Variants in CNST observed in about 807,000 individuals in gnomAD.
The protein encoded by CNST is consortin.
In CNST, 39 loss-of-function variants were observed where a neutral mutation model predicts 72.4. That is an observed-to-expected ratio of 0.54 (90% CI 0.42 to 0.70). The LOEUF is 0.70. Among genes scored for constraint, CNST ranks in the 30% least tolerant of loss-of-function variants. The pLI, the probability that CNST is intolerant of heterozygous loss-of-function variation, is 0.00. For synonymous variants in CNST, 332 were observed against 320.1 expected (o/e 1.04, Z -0.40); for missense variants, 871 against 868.5 (o/e 1.00, Z -0.04).
intron 9 of CNST, among the ~76,000 whole-genome samples, chr1:246,652,493 C>T (rs1666503474): frequency 6.6e-6 from 1 of 152,134 alleles, no homozygotes; most frequent in East Asian, 1.9e-4. Context: ...CAGAGGTCCC[C>T]TTGTGAGCAG....
chr1:246,605,628 C>T lies in CNST; in HGVS notation c.379+13687C>T, dbSNP rs181384713. 2.1e-4 allele frequency among the ~76,000 whole-genome samples: 31 copies of T among 146,510 alleles called. No individual in the cohort carries two copies. The Admixed American group carries it at 2.3e-3, about 11-fold the overall frequency. On this transcript the variant is annotated intron_variant, in intron 2 of 10. Transcript: ENST00000366513. ...CGGCTACGTGGTACCTGGATGGCCT[C>T]TCTGTCTATCCTCGGTGGTGGGTGT...
chr1:246,614,884 T>C (rs1357212603), intron 2 of CNST, among the ~76,000 whole-genome samples: 1 of 152,160 alleles, frequency 6.6e-6, no homozygotes, highest in Non-Finnish European at 1.5e-5. Context: ...GAAATGGTAA[T>C]ATCCTTAGTG....
chr1:246,662,903 G>A (rs933686576), intron 10 of CNST, among the ~76,000 whole-genome samples: 13 of 152,068 alleles, frequency 8.5e-5, no homozygotes, highest in Non-Finnish European at 1.6e-4. Flanking sequence ...GCTCAGACAG[G>A]TCTAGGACAT....
chr1:246,663,389 T>C (rs1667221092), intron 10 of CNST, among the ~76,000 whole-genome samples: 1 of 151,136 alleles, frequency 6.6e-6, no homozygotes, highest in South Asian at 2.1e-4. Flanking sequence ...AAATACAGCA[T>C]GATTAATATG....
intron 6 of CNST, among the ~76,000 whole-genome samples, chr1:246,638,894 G>A (rs1045645479): frequency 2.6e-5 from 4 of 152,178 alleles, no homozygotes; most frequent in African/African-American, 4.8e-5. Context: ...ACGGTGATTT[G>A]GGGAGTTTCT....
At chr1:246,569,735 C>T (rs1659949634) in intron 1 of CNST, 1 of 153,886 alleles carries the variant, frequency 6.5e-6, no homozygotes, top group Non-Finnish European at 1.4e-5. Flanking sequence ...GCCTCTTTCT[C>T]TTAGTGTTGA....
At chr1:246,578,757 C>T (rs1660607966) in intron 1 of CNST, among the ~76,000 whole-genome samples, 1 of 152,176 alleles carries the variant, frequency 6.6e-6, no homozygotes, top group Admixed American at 6.5e-5. Flanking sequence ...CCTTCTCCTC[C>T]TAACTTATCA....
intron 8 of CNST, among the ~76,000 whole-genome samples, chr1:246,646,537 A>G (rs1319112363): frequency 6.6e-6 from 1 of 151,986 alleles, no homozygotes; most frequent in Non-Finnish European, 1.5e-5. Flanking sequence ...CTGGAGTGCA[A>G]TGGCGTGATC....
intron 1 of CNST, among the ~76,000 whole-genome samples, chr1:246,587,433 GA>G (rs1162702738): frequency 1.3e-5 from 2 of 152,302 alleles, no homozygotes; most frequent in East Asian, 3.9e-4. Flanking sequence ...TTTCCATGAG[GA>G]TATATAGTTG....
At chr1:246,580,886 G>A (rs372358101) in intron 1 of CNST, among the ~76,000 whole-genome samples, 114 of 151,718 alleles carry the variant, frequency 7.5e-4, no homozygotes, top group African/African-American at 2.7e-3. Context: ...GATTACAGGC[G>A]CGCGCCACCA....
At chr1:246,632,186 T>C (rs1664811543) in intron 4 of CNST, 2 of 337,818 alleles carry the variant, frequency 5.9e-6, no homozygotes, top group Non-Finnish European at 1.1e-5. Context: ...TTTGTATTTA[T>C]TTTTTGAAGG....
At position 246,636,532 on chromosome 1, in the gene CNST, G is replaced by A. The variant is rs569965631; in HGVS notation, c.818+1945G>A. On this transcript the variant is annotated intron_variant, in intron 6 of 10. Transcript: ENST00000366513. ...TCCTGGCTAGGGAGGGGATACGTCT[G>A]CTTATGGTTTTTGTGTAAAGGGATG... Among the ~76,000 whole-genome samples the A allele has an allele frequency of 2.0e-5, 3 of 152,156 alleles. No homozygotes were observed. In the East Asian group the frequency reaches 5.8e-4, roughly 29 times the overall value.
At chr1:246,665,334 T>C (rs1667343377) in intron 10 of CNST, among the ~76,000 whole-genome samples, 1 of 152,244 alleles carries the variant, frequency 6.6e-6, no homozygotes, top group Admixed American at 6.5e-5. Flanking sequence ...ATTTTGCCAC[T>C]GCACTTCAGC....
rs867229484 is a variant in CNST, at chr1:246,647,978, C to T, written c.1777C>T (p.Pro593Ser). The stretch of plus-strand genomic sequence containing the variant: ...ATCCTATAGTCTCCAGGAGAATCTG[C>T]CTTCTGATGAGAGCTGTCTTTCTCT... ...EASYSLQENL[P>S]SDESCLSLDD... Residue 593 changes from proline (P) to serine (S), a missense_variant, in exon 9 of 11, where the codon CCT becomes TCT. Pro to Ser is a moderately conservative substitution (Grantham distance 74, BLOSUM62 -1). Coordinates refer to ENST00000366513, the MANE Select transcript of CNST (RefSeq NM_152609.3). 1 of 1,613,700 alleles carries T rather than the reference C, an allele frequency of 6.2e-7. No individual in the cohort carries two copies. The highest frequency in any genetic ancestry group is 1.3e-5 in the African/African-American group (1 of 75,032).
intron 2 of CNST, among the ~76,000 whole-genome samples, chr1:246,602,153 T>C (rs532969970): frequency 5.3e-4 from 80 of 152,114 alleles, no homozygotes; most frequent in Non-Finnish European, 8.1e-4. Context: ...TTTGTTACAA[T>C]TGAAAGTACA....
chr1:246,573,310 T>C (rs1660182457), intron 1 of CNST, among the ~76,000 whole-genome samples: 1 of 152,218 alleles, frequency 6.6e-6, no homozygotes, highest in African/African-American at 2.4e-5. Flanking sequence ...AATCATGTAA[T>C]ATAGGTCTTG....
intron 1 of CNST, among the ~76,000 whole-genome samples, chr1:246,579,095 T>C (rs2103009319): frequency 1.3e-5 from 2 of 152,374 alleles, no homozygotes; most frequent in East Asian, 3.9e-4. Flanking sequence ...AACATTTCTA[T>C]AAAGTGATTT....
intron 1 of CNST, among the ~76,000 whole-genome samples, chr1:246,579,148 T>A (rs3006079): frequency 0.21 from 32,705 of 152,244 alleles, 4,645 homozygotes; most frequent in Middle Eastern, 0.36. Context: ...TTTTGTATAT[T>A]CTGCTCTATA....
rs879258576 is a variant in CNST, at chr1:246,605,893, C to T, written c.379+13952C>T. 7 of 151,434 alleles carry T rather than the reference C, an allele frequency of 4.6e-5. 1 individual carries two copies. The highest frequency in any genetic ancestry group is 1.3e-4 in the Admixed American group (2 of 15,240). 9.4% of individuals were successfully genotyped at this position (151,434 alleles called of 1,614,324 possible). ...TCTTCCTGCTTCTGCTTCTCGCTGACGCGCGCTGCTGGTGCAAGCGGCCTT... is the reference window on the plus strand; with the variant it reads ...TCTTCCTGCTTCTGCTTCTCGCTGATGCGCGCTGCTGGTGCAAGCGGCCTT... On this transcript the variant is annotated intron_variant, in intron 2 of 10. Transcript: ENST00000366513.
Sources: allele counts gnomAD v4.1 joint callset (sites outside exome capture counted in the v4.1 genomes callset), GRCh38; gene constraint gnomAD v4.1.1; transcripts MANE v1.5; gene names NCBI Gene and HGNC (gene_info 2026-07-23, HGNC 2026-07-21).